Variants in THSD4 observed in about 807,000 individuals in gnomAD.
THSD4 encodes the protein thrombospondin type-1 domain-containing protein 4.
In THSD4, 69 loss-of-function variants were observed where a neutral mutation model predicts 119.0. The observed-to-expected ratio is 0.58, with a 90% confidence interval of 0.48 to 0.71. The LOEUF is 0.71. THSD4 is among the 30% of genes least tolerant of loss of function. The pLI is 0.00. For missense variants in THSD4, 1,393 were observed against 1,391.1 expected (o/e 1.00, Z -0.02); for synonymous variants, 524 against 540.4 (o/e 0.97, Z 0.42).
intron 7 of THSD4, among the ~76,000 whole-genome samples, chr15:71,525,279 C>A (rs1170856560): frequency 6.6e-6 from 1 of 151,982 alleles, no homozygotes; most frequent in African/African-American, 2.4e-5. Flanking sequence ...AATTACTAGC[C>A]CAGGAACACA....
intron 7 of THSD4, among the ~76,000 whole-genome samples, chr15:71,493,963 A>G (rs1004520540): frequency 6.6e-6 from 1 of 152,182 alleles, no homozygotes; most frequent in Non-Finnish European, 1.5e-5. Context: ...TAGAGCACTA[A>G]TGAGCGCATG....
At chr15:71,297,896 C>A (rs2044888128) in intron 6 of THSD4, among the ~76,000 whole-genome samples, 1 of 152,218 alleles carries the variant, frequency 6.6e-6, no homozygotes, top group African/African-American at 2.4e-5. Flanking sequence ...TCCCATTCTG[C>A]CATTTGTCTT....
chr15:71,119,939 G>A (rs2040395290), intron 1 of THSD4, among the ~76,000 whole-genome samples: 1 of 152,232 alleles, frequency 6.6e-6, no homozygotes, highest in South Asian at 2.1e-4. Context: ...ACCAGTGCAT[G>A]GGTATGCAGA....
chr15:71,764,982 A>G, intron 15 of THSD4, 38 bp from the exon 16 acceptor site: 2 of 1,585,974 alleles, frequency 1.3e-6, no homozygotes, highest in South Asian at 1.2e-5. Context: ...CCCCCTTTCC[A>G]TCATGTGACA....
intron 7 of THSD4, among the ~76,000 whole-genome samples, chr15:71,494,165 A>G (rs921396444): frequency 6.6e-6 from 1 of 152,230 alleles, no homozygotes; most frequent in Non-Finnish European, 1.5e-5. Context: ...TTGTAAGTGA[A>G]AAAATTTAGG....
chr15:71,491,462 T>C (rs918008171), intron 7 of THSD4, among the ~76,000 whole-genome samples: 1 of 152,192 alleles, frequency 6.6e-6, no homozygotes, highest in African/African-American at 2.4e-5. Flanking sequence ...CTCAGCCCCC[T>C]CACCACATGA....
chr15:71,558,764 C>G (rs2049065087), intron 7 of THSD4, among the ~76,000 whole-genome samples: 1 of 152,128 alleles, frequency 6.6e-6, no homozygotes, highest in Non-Finnish European at 1.5e-5. Flanking sequence ...AGCCACTGCC[C>G]CTGGCCTCAG....
At chr15:71,293,143 C>T (rs908245312) in intron 6 of THSD4, among the ~76,000 whole-genome samples, 1 of 152,180 alleles carries the variant, frequency 6.6e-6, no homozygotes, top group Non-Finnish European at 1.5e-5. Flanking sequence ...GTTCTACGTG[C>T]ATGTGCTGCA....
chr15:71,222,527 G>C (rs2043983306), intron 4 of THSD4, among the ~76,000 whole-genome samples: 1 of 152,182 alleles, frequency 6.6e-6, no homozygotes, highest in Non-Finnish European at 1.5e-5. Flanking sequence ...AGACAGCTGT[G>C]GGTGGCTGGG....
intron 7 of THSD4, among the ~76,000 whole-genome samples, chr15:71,479,114 T>C (rs1474870742): frequency 3.8e-5 from 5 of 132,078 alleles, no homozygotes; most frequent in African/African-American, 5.6e-5. Context: ...TGGCAAGCCA[T>C]GTCTGGGATC....
chr15:71,442,174 G>A (rs1373886365), intron 7 of THSD4, among the ~76,000 whole-genome samples: 1 of 151,848 alleles, frequency 6.6e-6, no homozygotes, highest in Non-Finnish European at 1.5e-5. Context: ...TGGCCATGAT[G>A]GTCTCCATCT....
chr15:71,597,505 T>C (rs1184768019), intron 7 of THSD4, among the ~76,000 whole-genome samples: 2 of 152,244 alleles, frequency 1.3e-5, no homozygotes, highest in Non-Finnish European at 1.5e-5. Context: ...ACATACATTA[T>C]AAAAGGCATA....
At chr15:71,466,792 A>T (rs756381803) in intron 7 of THSD4, among the ~76,000 whole-genome samples, 2 of 152,164 alleles carry the variant, frequency 1.3e-5, no homozygotes, top group African/African-American at 2.4e-5. Flanking sequence ...GAGGAACTCT[A>T]TTCACATCAC....
At chr15:71,645,315 G>A (rs542357000) in intron 7 of THSD4, among the ~76,000 whole-genome samples, 2 of 152,198 alleles carry the variant, frequency 1.3e-5, no homozygotes, top group African/African-American at 4.8e-5. Context: ...GGTAGAAGGG[G>A]AAGCAAACAT....
chr15:71,548,221 G>A (rs1046991091), intron 7 of THSD4, among the ~76,000 whole-genome samples: 1 of 151,934 alleles, frequency 6.6e-6, no homozygotes, highest in Non-Finnish European at 1.5e-5. Context: ...ACCCTCACCT[G>A]CAAACAAGCC....
At chr15:71,571,321 A>G (rs954367747) in intron 7 of THSD4, among the ~76,000 whole-genome samples, 12 of 152,042 alleles carry the variant, frequency 7.9e-5, no homozygotes, top group Admixed American at 4.6e-4. Context: ...TGAGGGGTAG[A>G]ATGCCGCATG....
At position 71,481,237 on chromosome 15, in the gene THSD4, G is replaced by A. The variant is rs566647951; in HGVS notation, c.1152+69414G>A. Among the ~76,000 whole-genome samples, 97 of 152,264 alleles carry A rather than the reference G, an allele frequency of 6.4e-4. 1 individual carries two copies. The highest frequency in any genetic ancestry group is 3.4e-3 in the Middle Eastern group (1 of 294). On this transcript the variant is annotated intron_variant, in intron 7 of 17. Transcript: ENST00000261862. Reference sequence around the variant, plus strand: ...GCCTCGATTAGTTCTCAAAGATCCAGGATAAGGTAATCTGATGTTTTTGGA... The same window carrying A: ...GCCTCGATTAGTTCTCAAAGATCCAAGATAAGGTAATCTGATGTTTTTGGA...
chr15:71,716,967 G>A (rs1372536440), intron 8 of THSD4, among the ~76,000 whole-genome samples: 1 of 152,118 alleles, frequency 6.6e-6, no homozygotes, highest in East Asian at 1.9e-4. Context: ...GCTGAATTCT[G>A]ACCCCACCTC....
chr15:71,514,354 G>A lies in THSD4; in HGVS notation c.1152+102531G>A, dbSNP rs185846409. Among the ~76,000 whole-genome samples the A allele has an allele frequency of 1.7e-3, 256 of 152,336 alleles. 3 individuals are homozygous for A. The highest frequency in any genetic ancestry group is 5.1e-3 in the African/African-American group (211 of 41,582). ...AATTAGGAGGGCTTGACAGATGTGG[G>A]AGAGAGAAGCATCATCATCCAACTG... On this transcript the variant is annotated intron_variant, in intron 7 of 17. Transcript: ENST00000261862.
Sources: gnomAD v4.1 joint callset for allele counts (sites outside exome capture counted in the v4.1 genomes callset) on GRCh38, gnomAD v4.1.1 for gene constraint, MANE v1.5 for transcripts, NCBI Gene and HGNC (gene_info 2026-07-23, HGNC 2026-07-21) for gene names.